The following AKAP7 variants were observed in gnomAD, a reference collection of about 807,000 sequenced individuals.
The protein encoded by AKAP7 is A kinase (PRKA) anchor protein 7.
AKAP7 carries 39 observed loss-of-function variants against 39.5 expected under a neutral mutation model. The observed-to-expected ratio is 0.99, with a 90% confidence interval of 0.76 to 1.29. The LOEUF is 1.29. Among genes scored for constraint, AKAP7 ranks in the 50% most tolerant of loss-of-function variants. The pLI is 0.00. For missense variants in AKAP7, 414 were observed against 407.7 expected, an observed-to-expected ratio of 1.02 and a Z score of -0.13; for synonymous variants, 140 against 139.1, an observed-to-expected ratio of 1.01 and a Z score of -0.05.
At chr6:131,180,659 T>G (rs933157397) in intron 5 of AKAP7, among the ~76,000 whole-genome samples, 3 of 152,204 alleles carry the variant, frequency 2.0e-5, no homozygotes, top group Admixed American at 6.5e-5. Flanking sequence ...TTCTCAAACC[T>G]CCTGCGGTCA....
In AKAP7 at chr6:131,219,818, A is replaced by G. The variant is rs755236901; in HGVS notation, c.850+10A>G. ...TCTTCCATTGTGATTGGTGAGTGTC[A>G]TTTAAAAATTATTTATTATCTTTAT... is the stretch of plus-strand genomic sequence containing the variant. On this transcript the variant is annotated intron_variant, in intron 7 of 7. Transcript: ENST00000431975. The G allele has an allele frequency of 2.7e-6, 4 of 1,468,054 alleles. No homozygotes were observed. In the East Asian group the frequency reaches 1.0e-4, roughly 38 times the overall value. 90.9% of individuals were successfully genotyped at this position (1,468,054 alleles called of 1,614,324 possible).
At chr6:131,179,596 G>A (rs1403174736) in intron 5 of AKAP7, among the ~76,000 whole-genome samples, 2 of 151,874 alleles carry the variant, frequency 1.3e-5, no homozygotes, top group Admixed American at 6.6e-5. Context: ...CACATAAAAC[G>A]CGTTAAGGCT....
At chr6:131,264,522 G>A (rs1411114467) in intron 7 of AKAP7, among the ~76,000 whole-genome samples, 1 of 152,182 alleles carries the variant, frequency 6.6e-6, no homozygotes, top group East Asian at 1.9e-4. Flanking sequence ...TATAAAGTGA[G>A]TAGGTTTCCC....
chr6:131,234,551 C>T (rs372893678), intron 7 of AKAP7, among the ~76,000 whole-genome samples: 21 of 150,518 alleles, frequency 1.4e-4, no homozygotes, highest in African/African-American at 4.9e-4. Context: ...TGTGCAGGGA[C>T]GTGTAAGTAA....
intron 7 of AKAP7, among the ~76,000 whole-genome samples, chr6:131,231,071 G>A (rs1810587097): frequency 2.0e-5 from 3 of 152,082 alleles, no homozygotes; most frequent in African/African-American, 4.8e-5. Flanking sequence ...TCTGTAGATA[G>A]TTAACTTAAT....
chr6:131,178,012 C>G (rs1019999846), intron 5 of AKAP7, among the ~76,000 whole-genome samples: 3 of 152,210 alleles, frequency 2.0e-5, no homozygotes, highest in Non-Finnish European at 2.9e-5. Flanking sequence ...TATATCCTCA[C>G]GCAAAGGTCT....
upstream of AKAP7, among the ~76,000 whole-genome samples, chr6:131,133,915 G>A (rs1800385125): frequency 6.6e-6 from 1 of 152,162 alleles, no homozygotes; most frequent in Non-Finnish European, 1.5e-5. Context: ...GTATGGGTTT[G>A]TTATGCAGGT....
intron 4 of AKAP7, 41 bp from the exon 5 acceptor site, chr6:131,169,072 T>C (rs1210166485): frequency 2.0e-6 from 3 of 1,505,634 alleles, no homozygotes; most frequent in African/African-American, 2.8e-5. Context: ...GTATATTTTA[T>C]TACTTAATGT....
chr6:131,178,528 G>A (rs1027590788), intron 5 of AKAP7, among the ~76,000 whole-genome samples: 2 of 152,138 alleles, frequency 1.3e-5, no homozygotes, highest in African/African-American at 2.4e-5. Context: ...CCATTCATAA[G>A]CATATTTCTG....
chr6:131,268,555 T>G (rs1204752034), intron 7 of AKAP7, among the ~76,000 whole-genome samples: 1 of 152,214 alleles, frequency 6.6e-6, no homozygotes, highest in Non-Finnish European at 1.5e-5. Flanking sequence ...GAGTTTGGTG[T>G]GTCCTTACTG....
chr6:131,211,418 A>T (rs1177689986), intron 6 of AKAP7, among the ~76,000 whole-genome samples: 1 of 152,078 alleles, frequency 6.6e-6, no homozygotes, highest in Admixed American at 6.5e-5. Flanking sequence ...CTGTACTTTT[A>T]AAAAGCAAAT....
intron 5 of AKAP7, among the ~76,000 whole-genome samples, chr6:131,180,074 G>A (rs1229756896): frequency 1.3e-5 from 2 of 152,224 alleles, no homozygotes; most frequent in East Asian, 3.9e-4. Context: ...TGCTGCCCCA[G>A]CCCCCTGTTT....
In AKAP7 at chr6:131,281,788, A is replaced by AG; in HGVS notation, c.*65dup. ...CTCCCTGCTTCCCTCTGCTGAGTCT[A>AG]GGGACTGACTTGCAGCGTGCTGTTT... On this transcript the variant is annotated 3_prime_UTR_variant, in exon 8 of 8. Transcript: ENST00000431975. This position sits in a 1 kb window ranked among gnomAD's most constrained non-coding sequence, Gnocchi z 4.0. 6.8e-7 allele frequency: 1 copy of AG among 1,468,776 alleles called. No individual in the cohort carries two copies. The highest frequency in any genetic ancestry group is 9.0e-7 in the Non-Finnish European group (1 of 1,109,028). 91.0% of individuals were successfully genotyped at this position (1,468,776 alleles called of 1,614,324 possible). A position where few individuals can be genotyped will look rare whatever the true frequency, so the allele number is the denominator to read the frequency against.
intron 7 of AKAP7, chr6:131,253,061 C>T: frequency 6.2e-7 from 1 of 1,613,564 alleles, no homozygotes; most frequent in Non-Finnish European, 8.5e-7. Flanking sequence ...TCGTCCTCTG[C>T]AGTCCTACAG....
rs779047229 is a variant in AKAP7 at position 131,224,730 on chromosome 6, CTTTTTTTTTTTTTTTTT to C, written c.850+4935_850+4951del. On this transcript the variant is annotated intron_variant, in intron 7 of 7. Coordinates refer to ENST00000431975, the MANE Select transcript of AKAP7 (RefSeq NM_016377.4). ...GTTTGTAAAGTTTCCAGTTGATTCA[CTTTTTTTTTTTTTTTTT>C]TTTTTTTTTTTTGAGACAGAGTCTT... Among the ~76,000 whole-genome samples, 7 of 55,110 alleles carry C rather than the reference CTTTTTTTTTTTTTTTTT, an allele frequency of 1.3e-4. 1 individual carries two copies. In the South Asian group the frequency reaches 4.6e-3, roughly 36 times the overall value. 36.2% of individuals were successfully genotyped at this position (55,110 alleles called of 152,430 possible).
chr6:131,193,521 C>A (rs1806621542), intron 5 of AKAP7, among the ~76,000 whole-genome samples: 1 of 151,856 alleles, frequency 6.6e-6, no homozygotes, highest in African/African-American at 2.4e-5. Context: ...AGTTTTCTTT[C>A]TTTGATGTGT....
intron 2 of AKAP7, among the ~76,000 whole-genome samples, chr6:131,149,961 C>A (rs1801788218): frequency 6.6e-6 from 1 of 152,122 alleles, no homozygotes; most frequent in Admixed American, 6.6e-5. Flanking sequence ...TTAAAGGAAT[C>A]ACAGTTCTTA....
intron 7 of AKAP7, among the ~76,000 whole-genome samples, chr6:131,274,616 GTGCA>G (rs1814587319): frequency 6.6e-6 from 1 of 152,058 alleles, no homozygotes; most frequent in African/African-American, 2.4e-5. Context: ...GGGACTACAG[GTGCA>G]TGCCACTGCA....
intron 2 of AKAP7, among the ~76,000 whole-genome samples, chr6:131,152,080 C>T (rs1018642665): frequency 2.0e-5 from 3 of 149,754 alleles, no homozygotes; most frequent in Admixed American, 6.6e-5. Flanking sequence ...AGAGTTACAG[C>T]CTTTGTCAGC....
Sources: allele counts gnomAD v4.1 joint callset (sites outside exome capture counted in the v4.1 genomes callset), GRCh38; gene constraint gnomAD v4.1.1; non-coding constraint Gnocchi (gnomAD v3.1); transcripts MANE v1.5; gene names NCBI Gene and HGNC (gene_info 2026-07-23, HGNC 2026-07-21).